Variants in ESRRG observed in about 807,000 individuals in gnomAD.
ESRRG encodes the protein estrogen related receptor gamma, also known as estrogen-related receptor gamma.
A neutral mutation model predicts 44.0 loss-of-function variants in ESRRG; 13 were observed. The observed-to-expected ratio is 0.30, with a 90% CI of 0.19 to 0.47. The LOEUF (loss-of-function observed/expected upper bound fraction) is 0.47, where lower values mean the gene tolerates loss of function less well. Among genes scored for constraint, ESRRG ranks in the 20% least tolerant of loss-of-function variants. The pLI is 1.00. For synonymous variants in ESRRG, 215 were observed against 214.6 expected (o/e 1.00, Z -0.02); for missense variants, 395 against 580.6 (o/e 0.68, Z 3.29).
chr1:216,994,695 C>A (rs1246928862), intron 1 of ESRRG, among the ~76,000 whole-genome samples: 1 of 152,118 alleles, frequency 6.6e-6, no homozygotes, highest in Non-Finnish European at 1.5e-5. Flanking sequence ...CATTCTCCTG[C>A]CTCAGCCTCC....
chr1:216,914,480 C>G (rs1395862407), intron 2 of ESRRG, among the ~76,000 whole-genome samples: 1 of 152,114 alleles, frequency 6.6e-6, no homozygotes, highest in African/African-American at 2.4e-5. Flanking sequence ...CCCTGCAACT[C>G]TCTAAAAATT....
chr1:216,708,546 T>C (rs1248464046), intron 1 of ESRRG, among the ~76,000 whole-genome samples: 2 of 152,142 alleles, frequency 1.3e-5, no homozygotes, highest in African/African-American at 4.8e-5. Flanking sequence ...ATGGTGAGCA[T>C]TAAAAAGTCA....
chr1:216,565,197 G>T (rs1480199015), intron 4 of ESRRG, among the ~76,000 whole-genome samples: 1 of 152,142 alleles, frequency 6.6e-6, no homozygotes, highest in East Asian at 1.9e-4. Flanking sequence ...CAAATGGAAA[G>T]CATCACATCA....
chr1:216,739,363 A>G (rs908919200), intron 2 of ESRRG, among the ~76,000 whole-genome samples: 3 of 152,188 alleles, frequency 2.0e-5, no homozygotes, highest in African/African-American at 7.2e-5. Flanking sequence ...AAAACAAAAC[A>G]AAGACAACTC....
chr1:216,559,334 C>T (rs1474260107), intron 5 of ESRRG, among the ~76,000 whole-genome samples: 1 of 152,142 alleles, frequency 6.6e-6, no homozygotes, highest in African/African-American at 2.4e-5. Context: ...AAAGAGGCTA[C>T]AAGTGTTTTA....
At chr1:216,900,481 G>C (rs1419581563) in intron 2 of ESRRG, among the ~76,000 whole-genome samples, 4 of 152,182 alleles carry the variant, frequency 2.6e-5, no homozygotes, top group Non-Finnish European at 2.9e-5. Context: ...GAAGCACTTA[G>C]AGAATTGAGC....
At chr1:216,761,833 T>C (rs878928014) in intron 2 of ESRRG, among the ~76,000 whole-genome samples, 1 of 152,126 alleles carries the variant, frequency 6.6e-6, no homozygotes, top group Non-Finnish European at 1.5e-5. Context: ...GTATACAACT[T>C]GGAGCTGTCC....
intron 2 of ESRRG, among the ~76,000 whole-genome samples, chr1:216,853,783 T>G (rs1456072394): frequency 6.6e-6 from 1 of 152,266 alleles, no homozygotes; most frequent in Non-Finnish European, 1.5e-5. Context: ...TCATCTGTTT[T>G]ATTTCATCTT....
intron 2 of ESRRG, among the ~76,000 whole-genome samples, chr1:216,923,227 T>C (rs1217529958): frequency 6.6e-6 from 1 of 152,206 alleles, no homozygotes; most frequent in Non-Finnish European, 1.5e-5. Flanking sequence ...GCTACACATA[T>C]GCAGCCAAGC....
chr1:216,818,939 T>A (rs1238309556), intron 2 of ESRRG, among the ~76,000 whole-genome samples: 1 of 152,182 alleles, frequency 6.6e-6, no homozygotes, highest in African/African-American at 2.4e-5. Flanking sequence ...GCAAAGGACA[T>A]GATCTCATTC....
At chr1:216,885,501 G>A (rs6698571) in intron 2 of ESRRG, among the ~76,000 whole-genome samples, 2,289 of 151,828 alleles carry the variant, frequency 0.015, 56 homozygotes, top group African/African-American at 0.051. Context: ...TAAGGCTCCC[G>A]GTTCCAAGTT....
At chr1:216,535,459 G>A (rs1447977901) in intron 5 of ESRRG, among the ~76,000 whole-genome samples, 1 of 152,040 alleles carries the variant, frequency 6.6e-6, no homozygotes, top group Non-Finnish European at 1.5e-5. Context: ...CTGCAAACAT[G>A]ATCTCACCTC....
chr1:216,929,647 G>A (rs1479478457), intron 2 of ESRRG, among the ~76,000 whole-genome samples: 4 of 152,166 alleles, frequency 2.6e-5, no homozygotes, highest in East Asian at 3.9e-4. Context: ...CATCACAGGT[G>A]GTTTGGCTTT....
At chr1:217,060,472 T>C (rs1432832197) in intron 1 of ESRRG, among the ~76,000 whole-genome samples, 1 of 152,116 alleles carries the variant, frequency 6.6e-6, no homozygotes, top group African/African-American at 2.4e-5. Flanking sequence ...TCTCCACCAT[T>C]TACTTGATTC....
In ESRRG at chr1:216,723,257, G is replaced by A. The variant is rs771206130; in HGVS notation, c.43C>T (p.His15Tyr). ...AAAGGTACCTACTCTTCCTCGTAGTGCAGGGAAAAAGATTCAGGAAGGCAA... is the reference window on the plus strand; with the variant it reads ...AAAGGTACCTACTCTTCCTCGTAGTACAGGGAAAAAGATTCAGGAAGGCAA... Reference protein sequence around the residue: ...ELCLPESFSLHYEEELLCRMS... With the variant: ...ELCLPESFSLYYEEELLCRMS... The change falls in exon 1 of 7, where the codon CAC (histidine) becomes TAC (tyrosine). Residue 15 changes from histidine to tyrosine, a missense_variant. By Grantham distance (83) the His-to-Tyr change is moderately conservative. Around this residue, in one of 5 missense-constraint regions of ESRRG, gnomAD observed 148 missense variants for 150.4 expected, o/e 0.98. Coordinates refer to ENST00000408911, the MANE Select transcript of ESRRG (RefSeq NM_001438.4). 1.2e-6 allele frequency: 2 copies of A among 1,613,126 alleles called. No individual in the cohort carries two copies. Among genetic ancestry groups the A allele is most frequent in the Admixed American group, 1.7e-5 (1 of 59,926 alleles).
At chr1:216,872,167 T>A (rs1016043664) in intron 2 of ESRRG, among the ~76,000 whole-genome samples, 3 of 152,194 alleles carry the variant, frequency 2.0e-5, no homozygotes, top group Admixed American at 6.5e-5. Flanking sequence ...AAATCTACAG[T>A]CATTTAAATT....
Position 216,519,437 on chromosome 1 carries a change from G to T in ESRRG, c.863-16C>A. The T allele has an allele frequency of 1.3e-6, 2 of 1,591,366 alleles. No individual in the cohort carries two copies. Among genetic ancestry groups the T allele is most frequent in the South Asian group, 1.1e-5 (1 of 87,578 alleles). On this transcript the variant is annotated splice_polypyrimidine_tract_variant and intron_variant, in intron 5 of 6. Coordinates refer to ENST00000408911, the MANE Select transcript of ESRRG (RefSeq NM_001438.4). ...GTGGAGAAGCCTGCATGGAAAGATGGGCAGATCAAGTTACTTTAAAGCCAT... is the reference window on the plus strand; with the variant it reads ...GTGGAGAAGCCTGCATGGAAAGATGTGCAGATCAAGTTACTTTAAAGCCAT...
Position 216,958,341 on chromosome 1 carries a change from A to T in ESRRG, c.-105-18668T>A, listed in dbSNP as rs529411239. ...AGGTAAAAATCTTTAGTTTGATAAAAACTGCCTATTTTTCAAAGTGTTGTG... is the reference window on the plus strand; with the variant it reads ...AGGTAAAAATCTTTAGTTTGATAAATACTGCCTATTTTTCAAAGTGTTGTG... On this transcript the variant is annotated intron_variant, in intron 1 of 7. Transcript: ENST00000359162. Among the ~76,000 whole-genome samples, 12 of 152,292 alleles carry T rather than the reference A, an allele frequency of 7.9e-5. No individual in the cohort carries two copies. The South Asian group carries it at 2.5e-3, about 32-fold the overall frequency.
intron 5 of ESRRG, among the ~76,000 whole-genome samples, chr1:216,532,358 G>T (rs2049634131): frequency 6.6e-6 from 1 of 152,150 alleles, no homozygotes; most frequent in Non-Finnish European, 1.5e-5. Context: ...CCGCTGCTTG[G>T]TATCCCAGAG....
Sources: gnomAD v4.1 joint callset for allele counts (sites outside exome capture counted in the v4.1 genomes callset) on GRCh38, gnomAD v4.1.1 for gene constraint, gnomAD v4.1.1 regional missense constraint, MANE v1.5 for transcripts, NCBI Gene and HGNC (gene_info 2026-07-23, HGNC 2026-07-21) for gene names.